Variants in RTTN observed in about 807,000 individuals in gnomAD.
The protein encoded by RTTN is rotatin.
A neutral mutation model predicts 269.2 loss-of-function variants in RTTN; 182 were observed. That is an observed-to-expected ratio of 0.68 (90% CI 0.60 to 0.76). The LOEUF (loss-of-function observed/expected upper bound fraction) is 0.76. RTTN is among the 30% of genes least tolerant of loss of function. The pLI is 0.00. For missense variants in RTTN, 2,545 were observed against 2,608.6 expected (o/e 0.98, Z 0.53); for synonymous variants, 1,006 against 963.5 (o/e 1.04, Z -0.82).
At chr18:70,010,303 C>T (rs998982305) in intron 46 of RTTN, among the ~76,000 whole-genome samples, 3 of 152,190 alleles carry the variant, frequency 2.0e-5, no homozygotes, top group Non-Finnish European at 4.4e-5. Context: ...AGCACCACAT[C>T]GCACTTATTC....
intron 26 of RTTN, among the ~76,000 whole-genome samples, chr18:70,115,712 G>A (rs976209543): frequency 6.6e-6 from 1 of 151,838 alleles, no homozygotes; most frequent in African/African-American, 2.4e-5. Context: ...TCAGCACAGT[G>A]TCACATCACT....
chr18:70,131,205 TA>T (rs1424062947), intron 23 of RTTN: 4 of 140,270 alleles, frequency 2.9e-5, no homozygotes, highest in Non-Finnish European at 6.2e-5. Context: ...CATTAAATAA[TA>T]AAAAACTCTT....
At chr18:70,162,696 C>G (rs921521031) in intron 14 of RTTN, among the ~76,000 whole-genome samples, 1 of 151,902 alleles carries the variant, frequency 6.6e-6, no homozygotes, top group Non-Finnish European at 1.5e-5. Flanking sequence ...TACAGAATTA[C>G]AATTCAAGAT....
At chr18:70,152,138 A>T (rs1487561118) in intron 14 of RTTN, among the ~76,000 whole-genome samples, 1 of 152,130 alleles carries the variant, frequency 6.6e-6, no homozygotes, top group Non-Finnish European at 1.5e-5. Context: ...AACTGGTTAG[A>T]TCCTAGACAG....
At chr18:70,102,903 G>A (rs563325539) in intron 28 of RTTN, among the ~76,000 whole-genome samples, 22 of 151,662 alleles carry the variant, frequency 1.5e-4, no homozygotes, top group African/African-American at 3.4e-4. Flanking sequence ...TGGCTGCCCC[G>A]TCTGGGAAGT....
At position 70,121,561 on chromosome 18, in the gene RTTN, TAAG is replaced by T. The variant is rs755705940; in HGVS notation, c.3520_3522del (p.Leu1174del). ...AATTCCTTAACACCACTTACATGTC[TAAG>T]AAGTAATTCGAGAATCCAGTTTAGA... is the stretch of plus-strand genomic sequence containing the variant. On this transcript the variant is annotated inframe_deletion, in exon 26 of 49. Coordinates refer to ENST00000640769, the MANE Select transcript of RTTN (RefSeq NM_173630.4). 3 of 1,564,728 alleles carry T rather than the reference TAAG, an allele frequency of 1.9e-6. No homozygotes were observed. Among genetic ancestry groups the T allele is most frequent in the Non-Finnish European group, 2.6e-6 (3 of 1,165,522 alleles).
intron 47 of RTTN, chr18:70,006,067 C>T: frequency 9.3e-6 from 2 of 215,926 alleles, no homozygotes; most frequent in Non-Finnish European, 9.2e-6. Context: ...ATGTGTTTTC[C>T]CTTGATACGT....
chr18:70,066,262 G>A (rs889351165), intron 34 of RTTN, among the ~76,000 whole-genome samples: 1 of 152,050 alleles, frequency 6.6e-6, no homozygotes, highest in Non-Finnish European at 1.5e-5. Flanking sequence ...AATTTATTGT[G>A]ATATTTTGCA....
At chr18:70,147,000 C>A (rs755097041) in intron 17 of RTTN, among the ~76,000 whole-genome samples, 8 of 152,168 alleles carry the variant, frequency 5.3e-5, no homozygotes, top group Non-Finnish European at 1.0e-4. Flanking sequence ...CCAATGATAT[C>A]TGTATTCACA....
At chr18:70,168,241 T>A (rs897607344) in intron 12 of RTTN, among the ~76,000 whole-genome samples, 1 of 152,128 alleles carries the variant, frequency 6.6e-6, no homozygotes, top group African/African-American at 2.4e-5. Flanking sequence ...TTTCAAACAA[T>A]AAACAACTCT....
At position 70,030,985 on chromosome 18, in the gene RTTN, C is replaced by A; in HGVS notation, c.5542-4G>T. 6.3e-7 allele frequency: 1 copy of A among 1,597,488 alleles called. No homozygotes were observed. Among genetic ancestry groups the A allele is most frequent in the Non-Finnish European group, 8.6e-7 (1 of 1,169,180 alleles). ...TGGAGGATTTCCCTTCATAGCACTGCAGAGAATATAAATCAAACTGCCTTG... is the reference window on the plus strand; with the variant it reads ...TGGAGGATTTCCCTTCATAGCACTGAAGAGAATATAAATCAAACTGCCTTG... On this transcript the variant is annotated splice_region_variant and splice_polypyrimidine_tract_variant and intron_variant, in intron 40 of 48. Transcript: ENST00000640769.
Position 70,205,628 on chromosome 18 carries a change from C to G in RTTN, c.31G>C (p.Gly11Arg). 1 of 1,614,138 alleles carries G rather than the reference C, an allele frequency of 6.2e-7. No individual in the cohort carries two copies. The highest frequency in any genetic ancestry group is 8.5e-7 in the Non-Finnish European group (1 of 1,180,020). The change falls in exon 1 of 49, where the codon GGT (glycine) becomes CGT (arginine). Residue 11 changes from glycine to arginine, a missense_variant and splice_region_variant. By Grantham distance (125) the Gly-to-Arg change is moderately radical. Coordinates refer to ENST00000640769, the MANE Select transcript of RTTN (RefSeq NM_173630.4). MVLAGLIRKL[G>R]HQLAEIRERA... ...GGGCGAGGGGCAAGCTGACAGTTACCGAGTTTCCTGATGAGCCCTGCCAGG... is the reference window on the plus strand; with the variant it reads ...GGGCGAGGGGCAAGCTGACAGTTACGGAGTTTCCTGATGAGCCCTGCCAGG...
In RTTN at chr18:70,148,914, C is replaced by A. The variant is rs1157112563; in HGVS notation, c.2296G>T (p.Val766Leu). 2.5e-6 allele frequency: 4 copies of A among 1,613,326 alleles called. No homozygotes were observed. In the African/African-American group the frequency reaches 5.3e-5, roughly 22 times the overall value. ...CGTTGTACTCACGATGGCTTTTTCA[C>A]TAGCAAAAGTCGCAGCATGGACTTT... is the stretch of plus-strand genomic sequence containing the variant. Reference protein sequence around the residue: ...RLKSMLRLLLVKKPSVRSLAL... With the variant: ...RLKSMLRLLLLKKPSVRSLAL... Residue 766 changes from valine to leucine, a missense_variant, in exon 17 of 49, where the codon GTG becomes TTG. Transcript: ENST00000640769.
intron 38 of RTTN, among the ~76,000 whole-genome samples, chr18:70,052,775 T>G (rs2057711778): frequency 6.6e-6 from 1 of 151,674 alleles, no homozygotes. Flanking sequence ...TTTTAAAAAC[T>G]TCTTTAAAAA....
At chr18:70,059,409 A>C (rs1224078129) in intron 36 of RTTN, among the ~76,000 whole-genome samples, 1 of 152,174 alleles carries the variant, frequency 6.6e-6, no homozygotes, top group Non-Finnish European at 1.5e-5. Context: ...ATACTTTTTG[A>C]TGAAAAGTTT....
In RTTN at chr18:70,024,799, G is replaced by C; in HGVS notation, c.5873C>G (p.Pro1958Arg). ...CAATGAATCATCCATCAAAATCCAA[G>C]GCCAGAGAGAGTGCAAGACAGGGAC... is the stretch of plus-strand genomic sequence containing the variant. The part of the protein sequence containing the change: ...HLVPVLHSLW[P>R]WILMDDSLMQ... The change falls in exon 44 of 49, where the codon CCT (proline) becomes CGT (arginine). Residue 1958 changes from proline (P) to arginine (R), a missense_variant. Transcript: ENST00000640769. The C allele has an allele frequency of 2.5e-6, 4 of 1,614,040 alleles. No homozygotes were observed. Among genetic ancestry groups the C allele is most frequent in the Non-Finnish European group, 3.4e-6 (4 of 1,179,934 alleles).
rs773500794 is a variant in RTTN, at chr18:70,092,166, G to A, written c.4087C>T (p.Pro1363Ser). 6.2e-7 allele frequency: 1 copy of A among 1,613,588 alleles called. No homozygotes were observed. The highest frequency in any genetic ancestry group is 1.1e-5 in the South Asian group (1 of 91,060). The change falls in exon 30 of 49, where the codon CCT (proline) becomes TCT (serine). Residue 1363 changes from proline to serine, a missense_variant. Coordinates refer to ENST00000640769, the MANE Select transcript of RTTN (RefSeq NM_173630.4). Reference protein sequence around the residue: ...PLGSHSEEHIPTQQGLAWLIP... With the variant: ...PLGSHSEEHISTQQGLAWLIP... ...AACCAAGCCAATCCTTGTTGAGTAG[G>A]AATATGTTCTTCACTATGACTACCC...
intron 11 of RTTN, among the ~76,000 whole-genome samples, chr18:70,172,391 T>G (rs2061165206): frequency 6.6e-6 from 1 of 152,122 alleles, no homozygotes; most frequent in Middle Eastern, 3.2e-3. Context: ...GAGTCCAAAT[T>G]CTACTTCAAT....
intron 45 of RTTN, among the ~76,000 whole-genome samples, chr18:70,018,008 A>G (rs2056593227): frequency 6.6e-6 from 1 of 152,096 alleles, no homozygotes; most frequent in South Asian, 2.1e-4. Context: ...CCTTCTGGTG[A>G]TTTTGCTATT....
Sources: gnomAD v4.1 joint callset for allele counts (sites outside exome capture counted in the v4.1 genomes callset) on GRCh38, gnomAD v4.1.1 for gene constraint, MANE v1.5 for transcripts, NCBI Gene and HGNC (gene_info 2026-07-23, HGNC 2026-07-21) for gene names.